The following IFT88 variants were observed in gnomAD, a reference collection of about 807,000 sequenced individuals.
The protein encoded by IFT88 is intraflagellar transport 88.
Under a neutral mutation model 119.5 loss-of-function variants are expected in IFT88, and 74 were observed. The observed-to-expected ratio is 0.62, with a 90% confidence interval of 0.51 to 0.75. The LOEUF is 0.75. IFT88 is among the 30% of genes least tolerant of loss of function. IFT88 has a pLI of 0.00. For missense variants in IFT88, 961 were observed against 977.7 expected (o/e 0.98, Z 0.23); for synonymous variants, 279 against 316.7 (o/e 0.88, Z 1.26).
chr13:20,646,318 C>T (rs2050746419), intron 20 of IFT88, among the ~76,000 whole-genome samples: 1 of 144,006 alleles, frequency 6.9e-6, no homozygotes, highest in Non-Finnish European at 1.5e-5. Flanking sequence ...TTTTTTGAGA[C>T]AGAGGACGGA....
intron 14 of IFT88, among the ~76,000 whole-genome samples, chr13:20,620,245 C>CCATGCTGT (rs2046267584): frequency 6.6e-6 from 1 of 151,934 alleles, no homozygotes; most frequent in Admixed American, 6.6e-5. Flanking sequence ...TAGGGCTATC[C>CCATGCTGT]AGTTAACCCA....
intron 3 of IFT88, among the ~76,000 whole-genome samples, chr13:20,586,999 T>G (rs1033879420): frequency 2.6e-5 from 4 of 152,232 alleles, no homozygotes; most frequent in African/African-American, 9.6e-5. Flanking sequence ...CTGTGGGTTA[T>G]TTAGAAGTAT....
At chr13:20,631,206 G>A in intron 16 of IFT88, 104 bp downstream of exon 16, 1 of 776,160 alleles carries the variant, frequency 1.3e-6, no homozygotes, top group Non-Finnish European at 2.3e-6. Flanking sequence ...TATTGGTGGA[G>A]AATGGTAAGT....
intron 14 of IFT88, among the ~76,000 whole-genome samples, chr13:20,625,230 A>C (rs886907339): frequency 1.3e-5 from 2 of 152,214 alleles, no homozygotes; most frequent in Non-Finnish European, 2.9e-5. Flanking sequence ...TTTCCTATCT[A>C]TAAAATAAAA....
At chr13:20,689,141 T>C (rs1367088892) in intron 24 of IFT88, among the ~76,000 whole-genome samples, 1 of 152,050 alleles carries the variant, frequency 6.6e-6, no homozygotes, top group Non-Finnish European at 1.5e-5. Flanking sequence ...ACCATGTTGC[T>C]CAGTCTGGCC....
chr13:20,601,885 G>T lies in IFT88; in HGVS notation c.993G>T (p.Leu331Phe), dbSNP rs780425667. ...REKMKKAFQK[L>F]ITVPLEIDED... ...AAATGAAGAAGGCATTCCAAAAATT[G>T]ATTACTGTTCCATTAGAAATTGATG... Residue 331 changes from leucine (L) to phenylalanine (F), a missense_variant, in exon 12 of 26, where the codon TTG becomes TTT. By Grantham distance (22) the Leu-to-Phe change is conservative. Coordinates refer to ENST00000351808, the MANE Select transcript of IFT88 (RefSeq NM_006531.5). 15 of 1,609,576 alleles carry T rather than the reference G, an allele frequency of 9.3e-6. No individual in the cohort carries two copies. Among genetic ancestry groups the T allele is most frequent in the Non-Finnish European group, 1.2e-5 (14 of 1,176,120 alleles).
At chr13:20,627,151 T>C (rs1290692855) in intron 15 of IFT88, among the ~76,000 whole-genome samples, 3 of 152,242 alleles carry the variant, frequency 2.0e-5, no homozygotes, top group Non-Finnish European at 4.4e-5. Context: ...GCTTAATTTT[T>C]TGAGCATTTA....
chr13:20,606,038 T>C (rs2043384700), intron 13 of IFT88, among the ~76,000 whole-genome samples: 1 of 148,314 alleles, frequency 6.7e-6, no homozygotes, highest in African/African-American at 2.5e-5. Context: ...ATTTTTATCA[T>C]TGGCCATTGG....
chr13:20,690,784 A>G lies in IFT88; in HGVS notation c.2322A>G (p.Glu774=). Residue 774 remains glutamate (E), a synonymous_variant, in exon 25 of 26, where the codon GAA becomes GAG. Transcript: ENST00000351808. The part of the protein sequence containing the change: ...ARLRALPGTN[E]PYESSSNKEI... ...TCAGAGCTTTACCTGGGACAAATGA[A>G]CCTTATGAAAGTAGCAGTAACAAAG... 1.2e-6 allele frequency: 2 copies of G among 1,613,572 alleles called. No homozygotes were observed. Among genetic ancestry groups the G allele is most frequent in the South Asian group, 1.1e-5 (1 of 91,054 alleles).
chr13:20,618,162 C>T (rs922399992), intron 14 of IFT88, among the ~76,000 whole-genome samples: 4 of 152,078 alleles, frequency 2.6e-5, no homozygotes, highest in African/African-American at 4.8e-5. Context: ...CCTCGTGATC[C>T]GCTCGCCTTG....
rs181538652 is a variant in IFT88, at chr13:20,639,934, G to A, written c.1574-1356G>A. ...CTTCCAAGTAGCTGGAACCACAGGT[G>A]CGCTCCACTACGCCCGTCTAATTTT... On this transcript the variant is annotated intron_variant, in intron 17 of 25. Transcript: ENST00000351808. 4.6e-5 allele frequency among the ~76,000 whole-genome samples: 7 copies of A among 151,570 alleles called. No homozygotes were observed. In the East Asian group the frequency reaches 1.4e-3, roughly 30 times the overall value.
At chr13:20,653,849 A>C in intron 20 of IFT88, 27 bp from the exon 21 acceptor site, 36 of 985,076 alleles carry the variant, frequency 3.7e-5, no homozygotes, top group Non-Finnish European at 5.0e-5. Flanking sequence ...TTTATCTCTA[A>C]TTTCATCTCA....
chr13:20,592,460 A>T (rs550793704), intron 7 of IFT88, 56 bp downstream of exon 7: 3 of 1,371,634 alleles, frequency 2.2e-6, no homozygotes, highest in South Asian at 2.6e-5. Flanking sequence ...TTAAATTTTT[A>T]TTTTCCAAAT....
intron 24 of IFT88, among the ~76,000 whole-genome samples, chr13:20,671,577 T>C (rs1269422741): frequency 6.6e-6 from 1 of 152,194 alleles, no homozygotes; most frequent in African/African-American, 2.4e-5. Context: ...TGAAGTTCTT[T>C]GCATCTCTAA....
chr13:20,578,683 G>A (rs905654753), intron 2 of IFT88, among the ~76,000 whole-genome samples: 1 of 152,110 alleles, frequency 6.6e-6, no homozygotes, highest in Non-Finnish European at 1.5e-5. Context: ...CCAAGTAGCT[G>A]GGATTACAGG....
intron 15 of IFT88, among the ~76,000 whole-genome samples, chr13:20,628,139 A>C (rs1401136873): frequency 6.6e-6 from 1 of 152,236 alleles, no homozygotes; most frequent in African/African-American, 2.4e-5. Context: ...TTACAATTCA[A>C]AGTGAAAAAG....
At chr13:20,686,290 TAATGTTCATACAGA>T (rs1377830457) in intron 24 of IFT88, among the ~76,000 whole-genome samples, 5 of 152,234 alleles carry the variant, frequency 3.3e-5, no homozygotes, top group Admixed American at 2.6e-4. Context: ...CTAAGCAAAA[TAATGTTCATACAGA>T]AATCAGTAAA....
intron 13 of IFT88, among the ~76,000 whole-genome samples, 197 bp from the exon 14 acceptor site, chr13:20,615,596 C>A (rs1412120131): frequency 2.6e-5 from 4 of 152,196 alleles, no homozygotes; most frequent in African/African-American, 9.7e-5. Flanking sequence ...GGCAGGCAAT[C>A]ATGGCTTGCT....
chr13:20,657,796 A>G (rs1020886987), intron 22 of IFT88, among the ~76,000 whole-genome samples: 1 of 152,004 alleles, frequency 6.6e-6, no homozygotes, highest in Non-Finnish European at 1.5e-5. Context: ...TAAATAAATA[A>G]ATTTGTTCTT....
Sources: gnomAD v4.1 joint callset for allele counts (sites outside exome capture counted in the v4.1 genomes callset) on GRCh38, gnomAD v4.1.1 for gene constraint, MANE v1.5 for transcripts, NCBI Gene and HGNC (gene_info 2026-07-23, HGNC 2026-07-21) for gene names.